Variants in SNTG1 observed in about 807,000 individuals in gnomAD.
SNTG1 encodes the protein syntrophin gamma 1, also known as gamma-1-syntrophin.
A neutral mutation model predicts 74.7 loss-of-function variants in SNTG1; 39 were observed. The ratio of observed to expected loss-of-function variants is 0.52; its 90% CI spans 0.40 to 0.68. SNTG1 has a LOEUF of 0.68. Among genes scored for constraint, SNTG1 ranks in the 30% least tolerant of loss-of-function variants. The pLI, the probability that SNTG1 is intolerant of heterozygous loss-of-function variation, is 0.00. For synonymous variants in SNTG1, 254 were observed against 217.1 expected, an observed-to-expected ratio of 1.17 and a Z score of -1.49; for missense variants, 685 against 609.5, an observed-to-expected ratio of 1.12 and a Z score of -1.30.
chr8:50,773,807 T>A (rs1391308962), intron 18 of SNTG1, among the ~76,000 whole-genome samples: 4 of 152,108 alleles, frequency 2.6e-5, no homozygotes, highest in African/African-American at 9.7e-5. Flanking sequence ...AGTAAAATAA[T>A]TTCAATTGTG....
chr8:49,989,062 G>A (rs1195893399), intron 1 of SNTG1, among the ~76,000 whole-genome samples: 1 of 151,778 alleles, frequency 6.6e-6, no homozygotes, highest in Admixed American at 6.6e-5. Context: ...AACATCACCT[G>A]TACCCTATAA....
intron 2 of SNTG1, among the ~76,000 whole-genome samples, chr8:50,201,844 C>T (rs1354075972): frequency 6.6e-6 from 1 of 152,056 alleles, no homozygotes; most frequent in Non-Finnish European, 1.5e-5. Context: ...AATCTATCAC[C>T]ACCTGAATCA....
intron 2 of SNTG1, among the ~76,000 whole-genome samples, chr8:50,270,317 T>C (rs1488350206): frequency 2.0e-5 from 3 of 152,130 alleles, no homozygotes; most frequent in Non-Finnish European, 2.9e-5. Flanking sequence ...TGAAAATGTG[T>C]ATGTGAAAAC....
At chr8:50,159,038 T>A (rs1451126258) in intron 1 of SNTG1, among the ~76,000 whole-genome samples, 2 of 152,178 alleles carry the variant, frequency 1.3e-5, no homozygotes, top group African/African-American at 2.4e-5. Context: ...GAACGGAATG[T>A]GCCTTTGCCT....
At chr8:50,332,569 T>C (rs1191819274) in intron 2 of SNTG1, among the ~76,000 whole-genome samples, 1 of 152,220 alleles carries the variant, frequency 6.6e-6, no homozygotes, top group Admixed American at 6.5e-5. Context: ...TGACAACATC[T>C]GCATGCTTAC....
At chr8:50,046,164 A>T (rs1238259716) in intron 1 of SNTG1, among the ~76,000 whole-genome samples, 1 of 152,156 alleles carries the variant, frequency 6.6e-6, no homozygotes, top group African/African-American at 2.4e-5. Context: ...TTCTTTCGAC[A>T]TTTTTCAACC....
In SNTG1 at chr8:50,739,037, G is replaced by A. The variant is rs543164633; in HGVS notation, c.1285-12964G>A. On this transcript the variant is annotated intron_variant, in intron 17 of 18. Coordinates refer to ENST00000642720, the MANE Select transcript of SNTG1 (RefSeq NM_018967.5). ...TCATGACTAAGACACAAAAAGCAAT[G>A]GCAACAAAAGCCAAAATTGACAAAT... 3.9e-5 allele frequency among the ~76,000 whole-genome samples: 6 copies of A among 152,084 alleles called. No individual in the cohort carries two copies. The East Asian group carries it at 5.8e-4, about 15-fold the overall frequency.
chr8:50,475,036 A>G (rs914867925), intron 8 of SNTG1, among the ~76,000 whole-genome samples: 2 of 130,898 alleles, frequency 1.5e-5, no homozygotes, highest in African/African-American at 5.7e-5. Context: ...ATGAGAACAC[A>G]TGGACACAGG....
chr8:50,423,747 C>T (rs1201420890), intron 4 of SNTG1, among the ~76,000 whole-genome samples: 1 of 152,018 alleles, frequency 6.6e-6, no homozygotes, highest in African/African-American at 2.4e-5. Flanking sequence ...GGAAAAGAAG[C>T]ATAAAGCAAA....
chr8:50,221,510 C>A (rs1170663944), intron 2 of SNTG1, among the ~76,000 whole-genome samples: 1 of 126,986 alleles, frequency 7.9e-6, no homozygotes, highest in Non-Finnish European at 1.6e-5. Flanking sequence ...CCAACACACA[C>A]ATACACACAC....
chr8:50,389,037 G>C (rs1309625281), intron 2 of SNTG1, among the ~76,000 whole-genome samples: 1 of 152,154 alleles, frequency 6.6e-6, no homozygotes, highest in Non-Finnish European at 1.5e-5. Context: ...TTTAAGGCCA[G>C]GCCAACAGGG....
intron 17 of SNTG1, among the ~76,000 whole-genome samples, chr8:50,739,921 A>C (rs971222899): frequency 6.6e-6 from 1 of 152,026 alleles, no homozygotes; most frequent in Non-Finnish European, 1.5e-5. Context: ...CTGGCTGGCC[A>C]GTTGCAGAAG....
chr8:50,630,292 G>A (rs1375832609), intron 13 of SNTG1, among the ~76,000 whole-genome samples: 1 of 152,150 alleles, frequency 6.6e-6, no homozygotes, highest in Admixed American at 6.6e-5. Flanking sequence ...AGAGAAAAAG[G>A]TAGGCTTACC....
At chr8:50,723,472 C>G (rs1242340933) in intron 17 of SNTG1, among the ~76,000 whole-genome samples, 2 of 152,170 alleles carry the variant, frequency 1.3e-5, no homozygotes, top group Non-Finnish European at 2.9e-5. Context: ...TTTCACCATG[C>G]CTTCTCTAAA....
intron 4 of SNTG1, among the ~76,000 whole-genome samples, chr8:50,431,327 C>T (rs182129363): frequency 6.8e-4 from 103 of 152,198 alleles, no homozygotes; most frequent in Admixed American, 2.1e-3. Context: ...ATATTGATAA[C>T]ATGGGAGGCT....
chr8:50,370,159 A>T (rs181849861), intron 2 of SNTG1, among the ~76,000 whole-genome samples: 2 of 152,340 alleles, frequency 1.3e-5, no homozygotes, highest in African/African-American at 4.8e-5. Flanking sequence ...AAATAAAAGG[A>T]TGAGTTCAGG....
intron 9 of SNTG1, among the ~76,000 whole-genome samples, chr8:50,527,755 G>T (rs2094233623): frequency 6.6e-6 from 1 of 151,784 alleles, no homozygotes; most frequent in Non-Finnish European, 1.5e-5. Flanking sequence ...ATGCCAATTT[G>T]CATAAAAAAT....
chr8:50,400,915 C>T (rs2092795727), intron 3 of SNTG1, among the ~76,000 whole-genome samples: 1 of 152,028 alleles, frequency 6.6e-6, no homozygotes, highest in Non-Finnish European at 1.5e-5. Flanking sequence ...AACAGTAATG[C>T]ATTATATGTC....
chr8:50,083,360 G>C (rs958010673), intron 1 of SNTG1, among the ~76,000 whole-genome samples: 31 of 152,276 alleles, frequency 2.0e-4, no homozygotes, highest in Admixed American at 7.2e-4. Flanking sequence ...AAAAGCTAAA[G>C]AGACTTAGAT....
Sources: allele counts gnomAD v4.1 joint callset (sites outside exome capture counted in the v4.1 genomes callset), GRCh38; gene constraint gnomAD v4.1.1; transcripts MANE v1.5; gene names NCBI Gene and HGNC (gene_info 2026-07-23, HGNC 2026-07-21).